ADAMTS18: variants seen among roughly 807,000 people sequenced by gnomAD.
The protein encoded by ADAMTS18 is ADAM metallopeptidase with thrombospondin type 1 motif 18, also known as A disintegrin and metalloproteinase with thrombospondin motifs 18.
In ADAMTS18, 157 loss-of-function variants were observed where a neutral mutation model predicts 165.9. That is an observed-to-expected ratio of 0.95 (90% CI 0.83 to 1.08). The LOEUF is 1.08. Among genes scored for constraint, ADAMTS18 ranks in the 50% least tolerant of loss-of-function variants. ADAMTS18 has a pLI of 0.00. For missense variants in ADAMTS18, 2,040 were observed against 1,534.0 expected (o/e 1.33, Z -5.51); for synonymous variants, 782 against 578.2 (o/e 1.35, Z -5.06).
intron 22 of ADAMTS18, among the ~76,000 whole-genome samples, chr16:77,286,932 AAGATACCC>A (rs974007405): frequency 2.6e-5 from 4 of 152,124 alleles, no homozygotes; most frequent in African/African-American, 9.7e-5. Flanking sequence ...AGATCCAACC[AAGATACCC>A]AGATAAGGCA....
chr16:77,341,243 A>G (rs958321136), intron 11 of ADAMTS18, among the ~76,000 whole-genome samples: 2 of 152,174 alleles, frequency 1.3e-5, no homozygotes, highest in African/African-American at 4.8e-5. Flanking sequence ...ACCCTTCAAT[A>G]GGAAAGTCAC....
chr16:77,334,083 G>GTGCTATATATGCTATATATAATATACAA (rs2056239529), intron 12 of ADAMTS18, among the ~76,000 whole-genome samples: 2 of 108,182 alleles, frequency 1.8e-5, no homozygotes, highest in Non-Finnish European at 3.5e-5. Flanking sequence ...ATAATATACA[G>GTGCTATATATGCTATATATAATATACAA]TGTTATATAT....
intron 3 of ADAMTS18, among the ~76,000 whole-genome samples, chr16:77,385,704 G>T (rs939840950): frequency 4.6e-5 from 7 of 152,158 alleles, no homozygotes; most frequent in African/African-American, 1.7e-4. Flanking sequence ...CAACCCATTG[G>T]GCAGGTGCAC....
chr16:77,365,673 G>A (rs146190241), intron 4 of ADAMTS18, among the ~76,000 whole-genome samples: 24 of 151,964 alleles, frequency 1.6e-4, no homozygotes, highest in African/African-American at 5.6e-4. Context: ...CCACAACTAC[G>A]AGCATTCCTG....
intron 3 of ADAMTS18, among the ~76,000 whole-genome samples, chr16:77,415,549 G>A (rs1597247531): frequency 6.6e-6 from 1 of 152,014 alleles, no homozygotes; most frequent in Non-Finnish European, 1.5e-5. Flanking sequence ...CTTGTTGCCT[G>A]TTTATTTCTG....
chr16:77,326,143 G>A, intron 12 of ADAMTS18, 105 bp from the exon 13 acceptor site: 3 of 1,071,032 alleles, frequency 2.8e-6, no homozygotes, highest in Non-Finnish European at 2.8e-6. Flanking sequence ...CTGCCACAGT[G>A]TATGCAAAGG....
At chr16:77,344,842 C>A (rs192831892) in intron 10 of ADAMTS18, among the ~76,000 whole-genome samples, 49 of 152,206 alleles carry the variant, frequency 3.2e-4, no homozygotes, top group Admixed American at 2.4e-3. Context: ...GTAATTATAG[C>A]CAACTACATA....
intron 16 of ADAMTS18, among the ~76,000 whole-genome samples, chr16:77,305,013 G>A (rs201434101): frequency 1.4e-4 from 21 of 152,120 alleles, no homozygotes; most frequent in Admixed American, 7.2e-4. Context: ...CATGTAGACC[G>A]AAAGACAATA....
chr16:77,373,897 C>T lies in ADAMTS18; in HGVS notation c.496-6174G>A, dbSNP rs929904063. Among the ~76,000 whole-genome samples the T allele has an allele frequency of 1.2e-4, 18 of 152,100 alleles. 1 individual carries two copies. The highest frequency in any genetic ancestry group is 3.9e-4 in the Admixed American group (6 of 15,258). On this transcript the variant is annotated intron_variant, in intron 3 of 22. Coordinates refer to ENST00000282849, the MANE Select transcript of ADAMTS18 (RefSeq NM_199355.4). ...AGGGGTCACCTGAGTATCTCTGATG[C>T]ATGCCACTTGTTATCAGCTAGTAAA...
chr16:77,289,584 T>C (rs2055324006), intron 21 of ADAMTS18, 173 bp from the exon 22 acceptor site: 1 of 729,368 alleles, frequency 1.4e-6, no homozygotes, highest in African/African-American at 1.8e-5. Flanking sequence ...ACAAGTGTGA[T>C]CCCTTTGATC....
At chr16:77,318,865 A>C (rs1164254049) in intron 16 of ADAMTS18, among the ~76,000 whole-genome samples, 1 of 152,138 alleles carries the variant, frequency 6.6e-6, no homozygotes, top group African/African-American at 2.4e-5. Context: ...GAGTAGCTGG[A>C]TATGCAAGTG....
At chr16:77,349,524 T>TAAAAAAAA (rs767997537) in intron 10 of ADAMTS18, among the ~76,000 whole-genome samples, 1 of 71,516 alleles carries the variant, frequency 1.4e-5, no homozygotes, top group African/African-American at 5.9e-5. Context: ...TCATCTTATG[T>TAAAAAAAA]AAAAAAAAAA....
chr16:77,288,396 G>C (rs1424667447), intron 22 of ADAMTS18, among the ~76,000 whole-genome samples: 2 of 133,078 alleles, frequency 1.5e-5, no homozygotes, highest in African/African-American at 2.7e-5. Context: ...CTGCTACAGA[G>C]CTATTTTTTT....
At chr16:77,424,402 A>T (rs2057644857) in intron 3 of ADAMTS18, among the ~76,000 whole-genome samples, 1 of 151,056 alleles carries the variant, frequency 6.6e-6, no homozygotes, top group African/African-American at 2.4e-5. Flanking sequence ...CGTGAGGCAG[A>T]GGTTGCAGTG....
intron 12 of ADAMTS18, among the ~76,000 whole-genome samples, chr16:77,330,591 A>G (rs1248700235): frequency 6.6e-6 from 1 of 152,146 alleles, no homozygotes; most frequent in Non-Finnish European, 1.5e-5. Context: ...GGACATTGGG[A>G]AGGTCCCTGA....
intron 3 of ADAMTS18, among the ~76,000 whole-genome samples, chr16:77,371,119 C>G (rs898688081): frequency 6.6e-6 from 1 of 151,806 alleles, no homozygotes; most frequent in Admixed American, 6.6e-5. Flanking sequence ...GAAGGGTGAG[C>G]TGGGAGGATT....
chr16:77,393,488 T>C (rs2057217110), intron 3 of ADAMTS18, among the ~76,000 whole-genome samples: 1 of 152,110 alleles, frequency 6.6e-6, no homozygotes. Flanking sequence ...TGAAACCCAA[T>C]CACCAAGATG....
intron 3 of ADAMTS18, among the ~76,000 whole-genome samples, chr16:77,400,029 G>T (rs761666425): frequency 2.0e-5 from 3 of 152,098 alleles, no homozygotes; most frequent in Non-Finnish European, 4.4e-5. Context: ...ACTCTATGGT[G>T]GCACTGGTTA....
chr16:77,291,229 A>ACTTGAATAGACACCTCCTCAAT (rs778891193), intron 21 of ADAMTS18, 37 bp downstream of exon 21: 8 of 1,609,402 alleles, frequency 5.0e-6, no homozygotes, highest in Non-Finnish European at 5.9e-6. Context: ...TCGACATCTC[A>ACTTGAATAGACACCTCCTCAAT]CTTGAATAGA....
Sources: allele counts gnomAD v4.1 joint callset (sites outside exome capture counted in the v4.1 genomes callset), GRCh38; gene constraint gnomAD v4.1.1; transcripts MANE v1.5; gene names NCBI Gene and HGNC (gene_info 2026-07-23, HGNC 2026-07-21).